OSBP2: variants seen among roughly 807,000 people sequenced by gnomAD.
OSBP2 encodes oxysterol-binding protein 2.
In OSBP2, 66 loss-of-function variants were observed where a neutral mutation model predicts 96.0. The ratio of observed to expected loss-of-function variants is 0.69; its 90% CI spans 0.56 to 0.84. The LOEUF is 0.84. Ranked by LOEUF, OSBP2 falls within the 40% of genes least tolerant of loss-of-function variation. The probability of loss-of-function intolerance (pLI) is 0.00; values close to 1 mark genes in which losing one functional copy is unlikely to be tolerated. For synonymous variants in OSBP2, 525 were observed against 520.9 expected, an observed-to-expected ratio of 1.01 and a Z score of -0.11; for missense variants, 1,038 against 1,222.7, an observed-to-expected ratio of 0.85 and a Z score of 2.25.
At chr22:30,768,690 A>C (rs566228408) in intron 2 of OSBP2, among the ~76,000 whole-genome samples, 1 of 152,194 alleles carries the variant, frequency 6.6e-6, no homozygotes, top group African/African-American at 2.4e-5. Context: ...AAAAAAAAAA[A>C]CAAAAACAAA....
chr22:30,887,734 T>G (rs75732352), intron 4 of OSBP2, 116 bp downstream of exon 4: 9,712 of 857,096 alleles, frequency 0.011, 89 homozygotes, highest in Non-Finnish European at 0.015. Flanking sequence ...TGGGCTGGCC[T>G]TGGCCAACTC....
chr22:30,710,130 C>G (rs902904822), intron 1 of OSBP2, among the ~76,000 whole-genome samples: 3 of 151,286 alleles, frequency 2.0e-5, no homozygotes, highest in African/African-American at 4.9e-5. Context: ...AGGTGATTCC[C>G]CCACTCAGCC....
intron 2 of OSBP2, among the ~76,000 whole-genome samples, chr22:30,835,310 A>AT (rs1422716408): frequency 6.6e-6 from 1 of 151,868 alleles, no homozygotes; most frequent in African/African-American, 2.4e-5. Flanking sequence ...ATTCATTTTA[A>AT]TTTTTTTATA....
At chr22:30,826,660 C>T (rs1235105764) in intron 2 of OSBP2, among the ~76,000 whole-genome samples, 1 of 152,172 alleles carries the variant, frequency 6.6e-6, no homozygotes, top group Non-Finnish European at 1.5e-5. Flanking sequence ...TAATGCCACC[C>T]TCTCCCCTCC....
intron 2 of OSBP2, among the ~76,000 whole-genome samples, chr22:30,793,519 C>T (rs1469798791): frequency 6.6e-6 from 1 of 151,812 alleles, no homozygotes; most frequent in Admixed American, 6.6e-5. Context: ...TGCACGGTGA[C>T]TCATGCCTGT....
At position 30,825,942 on chromosome 22, in the gene OSBP2, C is replaced by T. The variant is rs911234482; in HGVS notation, c.854-44487C>T. Among the ~76,000 whole-genome samples, 3 of 152,160 alleles carry T rather than the reference C, an allele frequency of 2.0e-5. No homozygotes were observed. In the South Asian group the frequency reaches 6.2e-4, roughly 32 times the overall value. On this transcript the variant is annotated intron_variant, in intron 2 of 13. Transcript: ENST00000332585. ...AAACAGGAGGGGATCAGGGTGATGGCAGCCAACATGGGCCATCAGGGGCGG... is the reference window on the plus strand; with the variant it reads ...AAACAGGAGGGGATCAGGGTGATGGTAGCCAACATGGGCCATCAGGGGCGG...
intron 2 of OSBP2, among the ~76,000 whole-genome samples, chr22:30,772,665 C>T (rs1421024069): frequency 6.6e-6 from 1 of 152,328 alleles, no homozygotes; most frequent in African/African-American, 2.4e-5. Flanking sequence ...GTCTGGGTTT[C>T]CCTCTCCTCA....
chr22:30,828,492 C>T lies in OSBP2; in HGVS notation c.854-41937C>T, dbSNP rs564031879. ...CTGCCCACACTCAGAGTCCAGGAGG[C>T]GCTGGCCATGCCAAGTAGAGAAGAT... On this transcript the variant is annotated intron_variant, in intron 2 of 13. Transcript: ENST00000332585. 4.6e-5 allele frequency among the ~76,000 whole-genome samples: 7 copies of T among 152,292 alleles called. No individual in the cohort carries two copies. In the South Asian group the frequency reaches 1.2e-3, roughly 27 times the overall value.
intron 12 of OSBP2, chr22:30,902,219 C>T: frequency 6.9e-7 from 1 of 1,438,920 alleles, no homozygotes; most frequent in East Asian, 2.3e-5. Context: ...TCACAGAGCC[C>T]CACACACAGC....
intron 2 of OSBP2, among the ~76,000 whole-genome samples, chr22:30,747,315 T>C (rs1212047914): frequency 2.0e-5 from 3 of 152,080 alleles, no homozygotes; most frequent in Non-Finnish European, 2.9e-5. Flanking sequence ...ATGAATGTAC[T>C]AAATATCACT....
chr22:30,836,662 G>A (rs2038639474), intron 2 of OSBP2, among the ~76,000 whole-genome samples: 1 of 152,230 alleles, frequency 6.6e-6, no homozygotes, highest in South Asian at 2.1e-4. Flanking sequence ...AGGCAAAGGT[G>A]CTGATGCAGG....
intron 2 of OSBP2, among the ~76,000 whole-genome samples, chr22:30,775,383 G>A (rs372227516): frequency 6.6e-6 from 1 of 151,974 alleles, no homozygotes. Context: ...TGAGGCAGGC[G>A]GATCACTTGA....
chr22:30,732,725 G>T (rs2089797902), intron 1 of OSBP2, among the ~76,000 whole-genome samples: 1 of 152,222 alleles, frequency 6.6e-6, no homozygotes, highest in African/African-American at 2.4e-5. Flanking sequence ...TGGGGGACAT[G>T]GCACCAGATA....
At chr22:30,904,338 G>A (rs1483836073) in intron 12 of OSBP2, among the ~76,000 whole-genome samples, 1 of 152,184 alleles carries the variant, frequency 6.6e-6, no homozygotes, top group Non-Finnish European at 1.5e-5. Context: ...AACCATTTCT[G>A]TAACACCAAT....
intron 1 of OSBP2, among the ~76,000 whole-genome samples, chr22:30,696,185 G>A (rs953230529): frequency 6.6e-6 from 1 of 152,154 alleles, no homozygotes; most frequent in African/African-American, 2.4e-5. Context: ...CCCAGCACGG[G>A]ATTCAAAATT....
At chr22:30,903,841 T>C (rs780071822) in intron 12 of OSBP2, among the ~76,000 whole-genome samples, 1 of 152,248 alleles carries the variant, frequency 6.6e-6, no homozygotes, top group Non-Finnish European at 1.5e-5. Context: ...CTTCAATTCA[T>C]AGCCAAAATG....
intron 2 of OSBP2, among the ~76,000 whole-genome samples, chr22:30,798,388 T>C (rs1053137937): frequency 1.3e-5 from 2 of 152,252 alleles, no homozygotes; most frequent in African/African-American, 4.8e-5. Flanking sequence ...GTTTTTACTC[T>C]GTTGATAGTG....
chr22:30,859,147 A>G (rs2039153810), intron 2 of OSBP2, among the ~76,000 whole-genome samples: 1 of 152,044 alleles, frequency 6.6e-6, no homozygotes, highest in African/African-American at 2.4e-5. Context: ...AAAATGGTTT[A>G]GTATGATTAC....
chr22:30,774,377 C>G (rs1569117863), intron 2 of OSBP2, among the ~76,000 whole-genome samples: 1 of 152,160 alleles, frequency 6.6e-6, no homozygotes, highest in African/African-American at 2.4e-5. Context: ...CTTCTCAACT[C>G]CTCTGTGAGG....
Sources: gnomAD v4.1 joint callset for allele counts (sites outside exome capture counted in the v4.1 genomes callset) on GRCh38, gnomAD v4.1.1 for gene constraint, MANE v1.5 for transcripts, NCBI Gene and HGNC (gene_info 2026-07-23, HGNC 2026-07-21) for gene names.